The following CWF19L1 variants were observed in gnomAD, a reference collection of about 807,000 sequenced individuals.
The protein encoded by CWF19L1 is CWF19-like protein 1.
CWF19L1 carries 60 observed loss-of-function variants against 69.7 expected under a neutral mutation model. That is an observed-to-expected ratio of 0.86 (90% CI 0.70 to 1.07). CWF19L1 has a LOEUF of 1.07. Among genes scored for constraint, CWF19L1 ranks in the 50% least tolerant of loss-of-function variants. The pLI is 0.00. For missense variants in CWF19L1, 591 were observed against 638.9 expected (o/e 0.92, Z 0.81); for synonymous variants, 209 against 222.2 (o/e 0.94, Z 0.53).
intron 7 of CWF19L1, 81 bp downstream of exon 7, chr10:100,250,167 C>G (rs1173408223): frequency 3.1e-6 from 3 of 973,306 alleles, no homozygotes; most frequent in Non-Finnish European, 5.0e-6. Context: ...AAGAGAAGAT[C>G]TGAATGCTAA....
chr10:100,237,910 A>G (rs1846500038), intron 11 of CWF19L1, 112 bp downstream of exon 11: 3 of 1,016,612 alleles, frequency 3.0e-6, no homozygotes, highest in Admixed American at 2.0e-5. Flanking sequence ...CGGCCTCCCA[A>G]AGTGCTAGGA....
chr10:100,238,342 G>T, intron 10 of CWF19L1, 111 bp from the exon 11 acceptor site: 1 of 864,590 alleles, frequency 1.2e-6, no homozygotes, highest in Non-Finnish European at 1.8e-6. Context: ...AGTACTTGAG[G>T]TTATTAATAA....
At chr10:100,255,631 T>C (rs1422885453) in intron 5 of CWF19L1, among the ~76,000 whole-genome samples, 2 of 151,850 alleles carry the variant, frequency 1.3e-5, no homozygotes, top group African/African-American at 4.8e-5. Flanking sequence ...GGCATGGCAG[T>C]GTGCGCCTAT....
At chr10:100,246,013 C>T in intron 8 of CWF19L1, 100 bp from the exon 9 acceptor site, 1 of 842,266 alleles carries the variant, frequency 1.2e-6, no homozygotes, top group Non-Finnish European at 2.0e-6. Flanking sequence ...CATGCCATAC[C>T]TATCTTTCTT....
At chr10:100,235,598 T>C (rs1846406318) in intron 13 of CWF19L1, 69 bp downstream of exon 13, 21 of 1,096,642 alleles carry the variant, frequency 1.9e-5, no homozygotes, top group Non-Finnish European at 2.6e-5. Context: ...TTATCAATTG[T>C]CCCATGTAGC....
chr10:100,236,836 A>G lies in CWF19L1; in HGVS notation c.1374+14T>C. 1 of 1,575,146 alleles carries G rather than the reference A, an allele frequency of 6.3e-7. No individual in the cohort carries two copies. The highest frequency in any genetic ancestry group is 8.6e-7 in the Non-Finnish European group (1 of 1,165,962). ...TATTTACTCTTCCCTGAATATCACCATCCCCTGTTTCACCTGCTTGATGTC... is the reference window on the plus strand; with the variant it reads ...TATTTACTCTTCCCTGAATATCACCGTCCCCTGTTTCACCTGCTTGATGTC... On this transcript the variant is annotated intron_variant, in intron 12 of 13. Coordinates refer to ENST00000354105, the MANE Select transcript of CWF19L1 (RefSeq NM_018294.6).
At chr10:100,265,119 CA>C (rs770664118) in intron 1 of CWF19L1, among the ~76,000 whole-genome samples, 2,022 of 91,076 alleles carry the variant, frequency 0.022, 43 homozygotes, top group African/African-American at 0.067. Flanking sequence ...ACCCTGTCTC[CA>C]AAAAAAAAAA....
At chr10:100,262,527 C>G in intron 1 of CWF19L1, 1 of 924,434 alleles carries the variant, frequency 1.1e-6, no homozygotes, top group African/African-American at 1.8e-5. Flanking sequence ...CTACCATACG[C>G]TAAGTACAAT....
At chr10:100,247,511 T>C (rs1305433215) in intron 7 of CWF19L1, among the ~76,000 whole-genome samples, 1 of 152,236 alleles carries the variant, frequency 6.6e-6, no homozygotes, top group African/African-American at 2.4e-5. Flanking sequence ...AGATAAGATA[T>C]AAATAGATGT....
intron 12 of CWF19L1, among the ~76,000 whole-genome samples, chr10:100,236,355 C>T (rs115598142): frequency 1.3e-5 from 2 of 152,030 alleles, no homozygotes; most frequent in African/African-American, 2.4e-5. Context: ...GTGCTCCTCC[C>T]GCCTCAGCCT....
At chr10:100,262,505 G>A (rs1293742399) in intron 1 of CWF19L1, 14 of 977,734 alleles carry the variant, frequency 1.4e-5, no homozygotes, top group Non-Finnish European at 1.6e-5. Context: ...TTGATAAACA[G>A]GTACTGGACA....
intron 1 of CWF19L1, among the ~76,000 whole-genome samples, chr10:100,266,005 C>T (rs1055973403): frequency 2.0e-5 from 3 of 152,064 alleles, no homozygotes; most frequent in African/African-American, 7.2e-5. Flanking sequence ...ATGACGAAAT[C>T]GCCTACCAAC....
intron 12 of CWF19L1, among the ~76,000 whole-genome samples, chr10:100,236,598 C>T (rs113943077): frequency 3.5e-4 from 54 of 152,184 alleles, no homozygotes; most frequent in East Asian, 2.9e-3. Context: ...GGTGAAACCC[C>T]GTCTCGACTA....
At chr10:100,241,692 C>T (rs1342817808) in intron 10 of CWF19L1, among the ~76,000 whole-genome samples, 1 of 152,216 alleles carries the variant, frequency 6.6e-6, no homozygotes, top group Non-Finnish European at 1.5e-5. Context: ...TGGCAATGGC[C>T]TTCGTGCTGC....
chr10:100,262,147 G>C (rs1360862585), intron 1 of CWF19L1, 84 bp from the exon 2 acceptor site: 44 of 1,516,642 alleles, frequency 2.9e-5, no homozygotes, highest in Non-Finnish European at 2.7e-5. Flanking sequence ...TTTTGGATTA[G>C]ATAGATACAT....
intron 7 of CWF19L1, 46 bp downstream of exon 7, chr10:100,250,202 G>T: frequency 1.6e-6 from 2 of 1,223,544 alleles, no homozygotes; most frequent in Non-Finnish European, 1.2e-6. Context: ...ACATTTATCA[G>T]GCAGACCATG....
At chr10:100,233,645 G>A (rs1192294971) in intron 13 of CWF19L1, among the ~76,000 whole-genome samples, 1 of 152,078 alleles carries the variant, frequency 6.6e-6, no homozygotes, top group East Asian at 1.9e-4. Context: ...ATAGAAAAAG[G>A]GCAGGCCCTG....
Position 100,250,191 on chromosome 10 carries a change from T to C in CWF19L1, c.708+57A>G, listed in dbSNP as rs1846976288. 4 of 1,150,672 alleles carry C rather than the reference T, an allele frequency of 3.5e-6. No homozygotes were observed. In the South Asian group the frequency reaches 3.7e-5, roughly 11 times the overall value. 71.3% of individuals were successfully genotyped at this position (1,150,672 alleles called of 1,614,324 possible). A position where few individuals can be genotyped will look rare whatever the true frequency, so the allele number is the denominator to read the frequency against. Reference sequence around the variant, plus strand: ...TCTGAATGCTAAACTGGACAAGAGATACATTTATCAGGCAGACCATGAATA... The same window carrying C: ...TCTGAATGCTAAACTGGACAAGAGACACATTTATCAGGCAGACCATGAATA... On this transcript the variant is annotated intron_variant, in intron 7 of 13. Transcript: ENST00000354105.
chr10:100,260,425 A>G (rs940169502), intron 3 of CWF19L1, 106 bp from the exon 4 acceptor site: 3 of 596,832 alleles, frequency 5.0e-6, no homozygotes, highest in African/African-American at 3.9e-5. Flanking sequence ...TAAATAGTCC[A>G]TGCATTCACA....
Sources: gnomAD v4.1 joint callset for allele counts (sites outside exome capture counted in the v4.1 genomes callset) on GRCh38, gnomAD v4.1.1 for gene constraint, MANE v1.5 for transcripts, NCBI Gene and HGNC (gene_info 2026-07-23, HGNC 2026-07-21) for gene names.